CPLX2: variants seen among roughly 807,000 people sequenced by gnomAD.
CPLX2 encodes complexin 2.
A neutral mutation model predicts 16.3 loss-of-function variants in CPLX2; 5 were observed. The observed-to-expected ratio is 0.31, with a 90% CI of 0.16 to 0.64. The LOEUF (loss-of-function observed/expected upper bound fraction) is 0.64, where lower values mean the gene tolerates loss of function less well. Ranked by LOEUF, CPLX2 falls within the 30% of genes least tolerant of loss-of-function variation. The pLI, the probability that CPLX2 is intolerant of heterozygous loss-of-function variation, is 0.79. For missense variants in CPLX2, 144 were observed against 181.4 expected (o/e 0.79, Z 1.18); for synonymous variants, 89 against 73.2 (o/e 1.22, Z -1.10).
At chr5:175,835,116 T>C (rs1288845285) in intron 2 of CPLX2, among the ~76,000 whole-genome samples, 1 of 152,220 alleles carries the variant, frequency 6.6e-6, no homozygotes, top group East Asian at 1.9e-4. Flanking sequence ...ATTTTGTTAA[T>C]TTATCTTAAA....
At chr5:175,877,349 T>G (rs1755410780) in intron 1 of CPLX2, among the ~76,000 whole-genome samples, 1 of 152,066 alleles carries the variant, frequency 6.6e-6, no homozygotes, top group Non-Finnish European at 1.5e-5. Flanking sequence ...TCTACCGATA[T>G]GACTTCTCAT....
At chr5:175,876,907 C>A (rs886808763) in intron 1 of CPLX2, among the ~76,000 whole-genome samples, 3 of 152,170 alleles carry the variant, frequency 2.0e-5, no homozygotes, top group South Asian at 4.1e-4. Flanking sequence ...CCTGCAAACT[C>A]AGAATTCGGG....
chr5:175,873,113 AC>A (rs2113707928), intron 1 of CPLX2: 1 of 31,918 alleles, frequency 3.1e-5, no homozygotes, highest in East Asian at 1.4e-3. Context: ...ACTCCCACCC[AC>A]CCCCACCCTC....
At chr5:175,857,158 C>T (rs1759273527) in intron 2 of CPLX2, among the ~76,000 whole-genome samples, 1 of 152,196 alleles carries the variant, frequency 6.6e-6, no homozygotes, top group African/African-American at 2.4e-5. Context: ...TTCCCTGCCA[C>T]CTGGGCTCCA....
chr5:175,846,744 C>T (rs1301467925), intron 2 of CPLX2, among the ~76,000 whole-genome samples: 2 of 152,148 alleles, frequency 1.3e-5, no homozygotes, highest in Non-Finnish European at 2.9e-5. Context: ...CAATGCCACT[C>T]CCCCATGCCT....
chr5:175,874,018 G>C (rs188299699), intron 1 of CPLX2, among the ~76,000 whole-genome samples: 1 of 152,228 alleles, frequency 6.6e-6, no homozygotes, highest in Non-Finnish European at 1.5e-5. Context: ...GGTGGCACAC[G>C]AGCAGCAAGG....
rs918929006 is a variant in CPLX2 at position 175,872,544 on chromosome 5, A to G, written c.-89+839A>G. On this transcript the variant is annotated intron_variant, in intron 1 of 3. Transcript: ENST00000393745. The surrounding 1 kb of genome is among the most constrained non-coding windows in gnomAD (Gnocchi z 5.0). ...GTGGGTCTCCGCGGGGGTCCGGGAG[A>G]GGGGCGCCGGGGTTCCTGTCCTCTC... is the stretch of plus-strand genomic sequence containing the variant. Among the ~76,000 whole-genome samples, 5 of 151,102 alleles carry G rather than the reference A, an allele frequency of 3.3e-5. No homozygotes were observed. The highest frequency in any genetic ancestry group is 1.2e-4 in the African/African-American group (5 of 41,052).
chr5:175,823,581 G>A (rs1429032472), intron 2 of CPLX2, among the ~76,000 whole-genome samples: 3 of 152,174 alleles, frequency 2.0e-5, no homozygotes, highest in Non-Finnish European at 4.4e-5. Context: ...CCCCAAGTTC[G>A]GGAGAGAGGT....
At position 175,827,324 on chromosome 5, in the gene CPLX2, T is replaced by C. The variant is rs556780536; in HGVS notation, c.-89+18256T>C. Among the ~76,000 whole-genome samples, 115 of 152,290 alleles carry C rather than the reference T, an allele frequency of 7.6e-4. 1 individual carries two copies. The highest frequency in any genetic ancestry group is 1.3e-3 in the Non-Finnish European group (91 of 68,020). On this transcript the variant is annotated intron_variant, in intron 2 of 4. Coordinates refer to the CPLX2 transcript ENST00000359546. ...CCCCAGAGGAAATGGGGATACCCTT[T>C]CTAAAATAAGGGAAATTGTTGCTTG...
chr5:175,856,467 T>G (rs888217107), intron 2 of CPLX2, among the ~76,000 whole-genome samples: 1 of 152,092 alleles, frequency 6.6e-6, no homozygotes, highest in Non-Finnish European at 1.5e-5. Flanking sequence ...GGCTTTCAAA[T>G]GCAACATCTG....
intron 2 of CPLX2, among the ~76,000 whole-genome samples, chr5:175,818,362 A>C (rs17065524): frequency 0.21 from 32,197 of 152,126 alleles, 3,810 homozygotes; most frequent in African/African-American, 0.31. Flanking sequence ...GATCCAGCAG[A>C]AAAGGGCCTT....
At chr5:175,808,063 T>C (rs976961873) in intron 1 of CPLX2, among the ~76,000 whole-genome samples, 2 of 102,304 alleles carry the variant, frequency 2.0e-5, no homozygotes, top group African/African-American at 5.6e-5. Flanking sequence ...CAGGTTGTCC[T>C]GGGAGGAGGA....
At position 175,883,916 on chromosome 5, in the gene CPLX2, C is replaced by G. The variant is rs948263514; in HGVS notation, c.*3871C>G. Reference sequence around the variant, plus strand: ...GGGGAGGAGCACCCCCTCAGCCCCCCTGAACCTGACCAAAAGCCATGGCTG... The same window carrying G: ...GGGGAGGAGCACCCCCTCAGCCCCCGTGAACCTGACCAAAAGCCATGGCTG... On this transcript the variant is annotated 3_prime_UTR_variant, in exon 4 of 4. Coordinates refer to ENST00000393745, the MANE Select transcript of CPLX2 (RefSeq NM_001008220.2). The G allele has an allele frequency of 6.5e-6, 1 of 152,850 alleles. No individual in the cohort carries two copies. Among genetic ancestry groups the G allele is most frequent in the Non-Finnish European group, 1.5e-5 (1 of 68,270 alleles). 9.5% of individuals were successfully genotyped at this position (152,850 alleles called of 1,614,324 possible). A position where few individuals can be genotyped will look rare whatever the true frequency, so the allele number is the denominator to read the frequency against.
chr5:175,871,284 G>A (rs1254698481), upstream of CPLX2, among the ~76,000 whole-genome samples: 2 of 149,974 alleles, frequency 1.3e-5, no homozygotes, highest in Non-Finnish European at 3.0e-5. Flanking sequence ...AACAGTGTAA[G>A]GTGGAGGAGA....
intron 1 of CPLX2, among the ~76,000 whole-genome samples, chr5:175,876,464 G>A (rs578053226): frequency 6.6e-6 from 1 of 152,134 alleles, no homozygotes; most frequent in South Asian, 2.1e-4. Flanking sequence ...AAGAGGAGAG[G>A]AGAGGAAACA....
intron 1 of CPLX2, among the ~76,000 whole-genome samples, chr5:175,875,684 G>C (rs1759741415): frequency 6.6e-6 from 1 of 152,134 alleles, no homozygotes; most frequent in East Asian, 1.9e-4. Context: ...GTCACCTGCT[G>C]AGAAGGAAGA....
intron 1 of CPLX2, among the ~76,000 whole-genome samples, chr5:175,875,500 A>C (rs1415698092): frequency 1.3e-5 from 2 of 152,196 alleles, no homozygotes; most frequent in African/African-American, 4.8e-5. Context: ...TATTTCTAAA[A>C]TTTCAAAGTG....
At chr5:175,854,553 G>A (rs757732914) in intron 2 of CPLX2, among the ~76,000 whole-genome samples, 2 of 152,186 alleles carry the variant, frequency 1.3e-5, no homozygotes, top group Non-Finnish European at 2.9e-5. Flanking sequence ...TTAGAACCGT[G>A]CCTGGCAGGT....
chr5:175,863,939 C>A (rs2113692897), intron 2 of CPLX2, among the ~76,000 whole-genome samples: 1 of 152,326 alleles, frequency 6.6e-6, no homozygotes, highest in East Asian at 1.9e-4. Context: ...AAATTCTTTT[C>A]TTTCTCATTC....
Sources: gnomAD v4.1 joint callset for allele counts (sites outside exome capture counted in the v4.1 genomes callset) on GRCh38, gnomAD v4.1.1 for gene constraint, Gnocchi (gnomAD v3.1) non-coding constraint, MANE v1.5 for transcripts, NCBI Gene and HGNC (gene_info 2026-07-23, HGNC 2026-07-21) for gene names.